The following RAB27B variants were observed in gnomAD, a reference collection of about 807,000 sequenced individuals.
The protein encoded by RAB27B is ras-related protein Rab-27B.
Under a neutral mutation model 24.6 loss-of-function variants are expected in RAB27B, and 15 were observed. That is an observed-to-expected ratio of 0.61 (90% CI 0.41 to 0.94). The LOEUF (loss-of-function observed/expected upper bound fraction) is 0.94, where lower values mean the gene tolerates loss of function less well. Ranked by LOEUF, RAB27B falls within the 40% of genes least tolerant of loss-of-function variation. The probability of loss-of-function intolerance (pLI) is 0.00; values close to 1 mark genes in which losing one functional copy is unlikely to be tolerated. For missense variants in RAB27B, 261 were observed against 266.8 expected (o/e 0.98, Z 0.15); for synonymous variants, 105 against 92.5 (o/e 1.14, Z -0.78).
At chr18:54,749,012 G>A (rs1039991468) in intron 2 of RAB27B, among the ~76,000 whole-genome samples, 4 of 150,914 alleles carry the variant, frequency 2.7e-5, no homozygotes, top group Admixed American at 2.0e-4. Flanking sequence ...GTCTTATTAT[G>A]CAGGTAAAGT....
intron 1 of RAB27B, among the ~76,000 whole-genome samples, chr18:54,860,933 C>T (rs1911985910): frequency 1.3e-5 from 2 of 152,300 alleles, no homozygotes; most frequent in East Asian, 3.9e-4. Flanking sequence ...AGCCAACATT[C>T]TTTTTCTAAA....
At chr18:54,730,997 T>G (rs180782375) in intron 2 of RAB27B, among the ~76,000 whole-genome samples, 1 of 152,318 alleles carries the variant, frequency 6.6e-6, no homozygotes, top group East Asian at 1.9e-4. Flanking sequence ...GTAATAGTCA[T>G]ATGTATTTTT....
At chr18:54,721,873 T>G (rs1318989157) in intron 2 of RAB27B, among the ~76,000 whole-genome samples, 3 of 152,144 alleles carry the variant, frequency 2.0e-5, no homozygotes, top group Non-Finnish European at 2.9e-5. Context: ...GGGATCCAGG[T>G]GAAAAAGTTA....
intron 3 of RAB27B, 130 bp downstream of exon 3, chr18:54,879,584 A>G (rs993387938): frequency 1.3e-6 from 1 of 742,140 alleles, no homozygotes; most frequent in Non-Finnish European, 2.3e-6. Flanking sequence ...AGACATTTGT[A>G]TCCAGAAATA....
rs1275430229 is a variant in RAB27B, at chr18:54,892,902, G to A, written c.*3489G>A. The A allele has an allele frequency of 6.6e-6, 1 of 151,950 alleles. No homozygotes were observed. The highest frequency in any genetic ancestry group is 6.6e-5 in the Admixed American group (1 of 15,224). 9.4% of individuals were successfully genotyped at this position (151,950 alleles called of 1,614,324 possible). ...CGAGAGTTTTAATCAGCCTTTTCTT[G>A]TCCCCTTTGTAAGAAAGAGATGCTT... On this transcript the variant is annotated 3_prime_UTR_variant, in exon 6 of 6. Coordinates refer to ENST00000262094, the MANE Select transcript of RAB27B (RefSeq NM_004163.4).
intron 2 of RAB27B, among the ~76,000 whole-genome samples, chr18:54,804,268 C>G (rs1178263379): frequency 6.6e-6 from 1 of 152,138 alleles, no homozygotes; most frequent in South Asian, 2.1e-4. Context: ...GTGTCCTCAC[C>G]AAATCTCAAC....
At chr18:54,752,995 T>C (rs1907885638) in intron 2 of RAB27B, among the ~76,000 whole-genome samples, 1 of 152,112 alleles carries the variant, frequency 6.6e-6, no homozygotes, top group South Asian at 2.1e-4. Context: ...AAGGTCTAGC[T>C]TGGGTGACTA....
intron 2 of RAB27B, among the ~76,000 whole-genome samples, chr18:54,819,745 A>T (rs1243613599): frequency 6.7e-6 from 1 of 149,798 alleles, no homozygotes; most frequent in Non-Finnish European, 1.5e-5. Context: ...AACATTAGGT[A>T]TATCTCCTAA....
rs189313500 is a variant in RAB27B, at chr18:54,761,764, C to T, written c.-20+43623C>T. Reference sequence around the variant, plus strand: ...ATAGAAGCACTTGTGTGTTACCAGACGATGCCTCTGATGGATTGTTGATAT... The same window carrying T: ...ATAGAAGCACTTGTGTGTTACCAGATGATGCCTCTGATGGATTGTTGATAT... On this transcript the variant is annotated intron_variant, in intron 2 of 4. Coordinates refer to the RAB27B transcript ENST00000586570. Among the ~76,000 whole-genome samples, 13 of 152,308 alleles carry T rather than the reference C, an allele frequency of 8.5e-5. No individual in the cohort carries two copies. In the East Asian group the frequency reaches 1.7e-3, roughly 20 times the overall value.
chr18:54,816,319 G>A (rs1910119687), intron 2 of RAB27B, among the ~76,000 whole-genome samples: 1 of 152,168 alleles, frequency 6.6e-6, no homozygotes, highest in Admixed American at 6.5e-5. Flanking sequence ...ATCAAACATG[G>A]GGTCATAGAG....
At chr18:54,865,624 G>T (rs1912188433) in intron 1 of RAB27B, among the ~76,000 whole-genome samples, 1 of 152,198 alleles carries the variant, frequency 6.6e-6, no homozygotes, top group Admixed American at 6.5e-5. Flanking sequence ...ATATGAAGCA[G>T]AAGTTCTTTG....
intron 2 of RAB27B, among the ~76,000 whole-genome samples, chr18:54,726,958 A>G (rs34778345): frequency 0.18 from 27,189 of 152,156 alleles, 2,671 homozygotes; most frequent in African/African-American, 0.25. Context: ...ATAAGATTTT[A>G]GTTTTTTAAA....
At chr18:54,809,484 A>T (rs1038929099) in intron 2 of RAB27B, among the ~76,000 whole-genome samples, 2 of 152,194 alleles carry the variant, frequency 1.3e-5, no homozygotes, top group African/African-American at 4.8e-5. Flanking sequence ...TGAATCCTGG[A>T]AACTGGAGCA....
intron 1 of RAB27B, among the ~76,000 whole-genome samples, chr18:54,846,118 G>C (rs1911326232): frequency 6.6e-6 from 1 of 152,112 alleles, no homozygotes; most frequent in Non-Finnish European, 1.5e-5. Flanking sequence ...CAGCGCTTGA[G>C]GGACTGTCTA....
chr18:54,795,610 T>C (rs1344149318), intron 2 of RAB27B, among the ~76,000 whole-genome samples: 1 of 152,218 alleles, frequency 6.6e-6, no homozygotes, highest in Non-Finnish European at 1.5e-5. Flanking sequence ...AGTGATGATC[T>C]AGTAAGTTTC....
intron 1 of RAB27B, among the ~76,000 whole-genome samples, chr18:54,835,612 C>A (rs1910863879): frequency 6.6e-6 from 1 of 151,888 alleles, no homozygotes; most frequent in African/African-American, 2.4e-5. Context: ...ATATTTATAA[C>A]CGAGGGTTAA....
At chr18:54,722,928 A>G (rs1408655237) in intron 2 of RAB27B, among the ~76,000 whole-genome samples, 1 of 152,226 alleles carries the variant, frequency 6.6e-6, no homozygotes, top group African/African-American at 2.4e-5. Context: ...CTGTATTTGA[A>G]GCTACTTTAT....
intron 2 of RAB27B, among the ~76,000 whole-genome samples, chr18:54,750,874 G>A (rs780089721): frequency 2.6e-5 from 4 of 152,176 alleles, no homozygotes; most frequent in African/African-American, 4.8e-5. Flanking sequence ...TGATGGGCAG[G>A]AGTTAGTCAA....
At chr18:54,776,104 T>G (rs999024405) in intron 2 of RAB27B, among the ~76,000 whole-genome samples, 2 of 152,256 alleles carry the variant, frequency 1.3e-5, no homozygotes, top group African/African-American at 2.4e-5. Context: ...GGCGGTGTTT[T>G]TTGTTGTTGT....
Sources: allele counts gnomAD v4.1 joint callset (sites outside exome capture counted in the v4.1 genomes callset), GRCh38; gene constraint gnomAD v4.1.1; transcripts MANE v1.5; gene names NCBI Gene and HGNC (gene_info 2026-07-23, HGNC 2026-07-21).